Variants in SDK1 observed in about 807,000 individuals in gnomAD.
The protein encoded by SDK1 is protein sidekick-1.
A neutral mutation model predicts 245.5 loss-of-function variants in SDK1; 157 were observed. The observed-to-expected ratio is 0.64, with a 90% CI of 0.56 to 0.73. The LOEUF (loss-of-function observed/expected upper bound fraction) is 0.73. SDK1 is among the 30% of genes least tolerant of loss of function. SDK1 has a pLI of 0.00. For synonymous variants in SDK1, 1,647 were observed against 1,278.5 expected (o/e 1.29, Z -6.15); for missense variants, 3,583 against 3,002.3 (o/e 1.19, Z -4.52).
At chr7:4,264,853 T>C (rs911882211) in intron 44 of SDK1, among the ~76,000 whole-genome samples, 4 of 152,150 alleles carry the variant, frequency 2.6e-5, no homozygotes, top group Non-Finnish European at 5.9e-5. Flanking sequence ...GAGGCCCAGC[T>C]CTTCTCGGAA....
intron 1 of SDK1, among the ~76,000 whole-genome samples, chr7:3,357,087 C>G (rs1239873948): frequency 2.1e-5 from 3 of 144,614 alleles, no homozygotes; most frequent in African/African-American, 7.6e-5. Context: ...ATACTTCTTT[C>G]TGTTAAACAT....
chr7:3,566,261 G>A (rs1421543911), intron 1 of SDK1, among the ~76,000 whole-genome samples: 1 of 129,040 alleles, frequency 7.7e-6, no homozygotes, highest in African/African-American at 3.0e-5. Context: ...GTCTCGCTCT[G>A]TCGCCCAGGC....
chr7:3,893,158 C>G (rs1042067035), intron 5 of SDK1, among the ~76,000 whole-genome samples: 3 of 152,138 alleles, frequency 2.0e-5, no homozygotes, highest in African/African-American at 7.2e-5. Flanking sequence ...TTATTTTATA[C>G]AGTGCCTTTT....
At chr7:3,781,899 A>G (rs1780756114) in intron 4 of SDK1, among the ~76,000 whole-genome samples, 1 of 152,202 alleles carries the variant, frequency 6.6e-6, no homozygotes, top group East Asian at 1.9e-4. Flanking sequence ...TAAAGAATGA[A>G]GAAAGCCTAT....
chr7:3,429,446 G>C (rs769550437), intron 1 of SDK1, among the ~76,000 whole-genome samples: 12 of 152,036 alleles, frequency 7.9e-5, no homozygotes, highest in Non-Finnish European at 1.0e-4. Context: ...CTAAATGAAA[G>C]ATACCAGACC....
chr7:3,962,525 G>C (rs1781781420), intron 8 of SDK1, 132 bp from the exon 9 acceptor site: 12 of 742,392 alleles, frequency 1.6e-5, no homozygotes, highest in Non-Finnish European at 2.4e-5. Flanking sequence ...CTCCTTATAG[G>C]GTGGTTGAAA....
At chr7:4,259,176 C>T (rs1212740578) in intron 44 of SDK1, among the ~76,000 whole-genome samples, 1 of 152,192 alleles carries the variant, frequency 6.6e-6, no homozygotes, top group African/African-American at 2.4e-5. Flanking sequence ...CAGGGGCTCA[C>T]ACCTGTAATC....
chr7:4,018,366 CTGTT>C (rs1304144584), intron 17 of SDK1, among the ~76,000 whole-genome samples: 1 of 152,178 alleles, frequency 6.6e-6, no homozygotes, highest in African/African-American at 2.4e-5. Context: ...GACTGGCTGT[CTGTT>C]GTCATCTGTA....
intron 4 of SDK1, among the ~76,000 whole-genome samples, chr7:3,656,621 G>C (rs1432130951): frequency 6.6e-6 from 1 of 151,916 alleles, no homozygotes; most frequent in Non-Finnish European, 1.5e-5. Flanking sequence ...CATCTCACCT[G>C]TACCCCTGTG....
rs146684784 is a variant in SDK1 at position 3,696,091 on chromosome 7, C to T, written c.713+53986C>T. On this transcript the variant is annotated intron_variant, in intron 4 of 44. Coordinates refer to ENST00000404826, the MANE Select transcript of SDK1 (RefSeq NM_152744.4). ...CCCTTGTTCTTATGCAATACTTGATCCTCTTCTCACTCTAAACTGTCTCCT... is the reference window on the plus strand; with the variant it reads ...CCCTTGTTCTTATGCAATACTTGATTCTCTTCTCACTCTAAACTGTCTCCT... Among the ~76,000 whole-genome samples, 304 of 152,152 alleles carry T rather than the reference C, an allele frequency of 2.0e-3. 1 individual carries two copies. The highest frequency in any genetic ancestry group is 7.0e-3 in the African/African-American group (292 of 41,516).
chr7:4,075,368 C>T (rs1468880723), intron 20 of SDK1, among the ~76,000 whole-genome samples: 2 of 152,164 alleles, frequency 1.3e-5, no homozygotes, highest in African/African-American at 2.4e-5. Context: ...AAGATGCTGT[C>T]CTCTAAATTC....
At chr7:3,465,147 C>T (rs527495087) in intron 1 of SDK1, among the ~76,000 whole-genome samples, 9 of 152,226 alleles carry the variant, frequency 5.9e-5, no homozygotes, top group African/African-American at 2.2e-4. Flanking sequence ...ATTGTGCCTG[C>T]ACTTCCGTGT....
intron 32 of SDK1, among the ~76,000 whole-genome samples, chr7:4,169,774 C>T (rs541323911): frequency 6.6e-6 from 1 of 152,306 alleles, no homozygotes; most frequent in Admixed American, 6.5e-5. Context: ...CAGCACCAGG[C>T]CTTCCTGGTG....
intron 20 of SDK1, among the ~76,000 whole-genome samples, chr7:4,073,136 G>A (rs772396523): frequency 7.2e-5 from 11 of 152,198 alleles, no homozygotes; most frequent in Non-Finnish European, 1.2e-4. Context: ...CCAAGCGGGA[G>A]GTACCCCCGC....
intron 32 of SDK1, among the ~76,000 whole-genome samples, chr7:4,171,748 T>C (rs1272375532): frequency 6.6e-6 from 1 of 152,212 alleles, no homozygotes; most frequent in Non-Finnish European, 1.5e-5. Context: ...CATTTGAGAA[T>C]TTGGAGCTAG....
intron 4 of SDK1, among the ~76,000 whole-genome samples, chr7:3,746,491 A>G (rs183169411): frequency 4.0e-4 from 61 of 152,300 alleles, no homozygotes; most frequent in Middle Eastern, 6.8e-3. Context: ...TTTTACCCAT[A>G]GTAGAACGTC....
chr7:3,637,494 C>T (rs1782497073), intron 2 of SDK1, among the ~76,000 whole-genome samples: 1 of 152,126 alleles, frequency 6.6e-6, no homozygotes, highest in African/African-American at 2.4e-5. Flanking sequence ...ATTACTCTAC[C>T]ATCTTGGGCA....
At chr7:3,932,655 A>G (rs1171613260) in intron 5 of SDK1, among the ~76,000 whole-genome samples, 5 of 152,216 alleles carry the variant, frequency 3.3e-5, no homozygotes, top group Non-Finnish European at 4.4e-5. Context: ...AACAAAATGA[A>G]AAGAGATGGG....
intron 1 of SDK1, among the ~76,000 whole-genome samples, chr7:3,417,973 C>G (rs1046065561): frequency 1.3e-5 from 2 of 151,854 alleles, no homozygotes; most frequent in Non-Finnish European, 2.9e-5. Flanking sequence ...ACATTGGAAC[C>G]CTTACAAGTG....
Sources: allele counts gnomAD v4.1 joint callset (sites outside exome capture counted in the v4.1 genomes callset), GRCh38; gene constraint gnomAD v4.1.1; transcripts MANE v1.5; gene names NCBI Gene and HGNC (gene_info 2026-07-23, HGNC 2026-07-21).